Variants in CLEC5A observed in about 807,000 individuals in gnomAD.
CLEC5A encodes the protein C-type lectin domain family 5 member A.
Under a neutral mutation model 24.4 loss-of-function variants are expected in CLEC5A, and 15 were observed. That is an observed-to-expected ratio of 0.62 (90% CI 0.41 to 0.95). The LOEUF (loss-of-function observed/expected upper bound fraction) is 0.95. Among genes scored for constraint, CLEC5A ranks in the 40% least tolerant of loss-of-function variants. The probability of loss-of-function intolerance (pLI) is 0.00; values close to 1 mark genes in which losing one functional copy is unlikely to be tolerated. For synonymous variants in CLEC5A, 71 were observed against 72.6 expected (o/e 0.98, Z 0.11); for missense variants, 211 against 224.0 (o/e 0.94, Z 0.37).
At chr7:141,938,955 C>T (rs1407814652) in intron 4 of CLEC5A, among the ~76,000 whole-genome samples, 2 of 152,100 alleles carry the variant, frequency 1.3e-5, no homozygotes, top group Non-Finnish European at 2.9e-5. Flanking sequence ...TAAAGACTTT[C>T]CCAGACAAAT....
chr7:141,944,855 A>G (rs1053760436), intron 3 of CLEC5A, among the ~76,000 whole-genome samples: 2 of 152,200 alleles, frequency 1.3e-5, no homozygotes, highest in African/African-American at 4.8e-5. Flanking sequence ...TAAGGACTCA[A>G]TACATATTTT....
At chr7:141,946,461 C>A (rs77457686) in intron 1 of CLEC5A, 149 bp from the exon 2 acceptor site, 10 of 655,250 alleles carry the variant, frequency 1.5e-5, no homozygotes, top group Non-Finnish European at 2.3e-5. Flanking sequence ...GGTGACCCAG[C>A]GTGGGCCGCG....
chr7:141,942,842 C>G (rs1429277607), intron 4 of CLEC5A, among the ~76,000 whole-genome samples: 1 of 152,082 alleles, frequency 6.6e-6, no homozygotes, highest in Non-Finnish European at 1.5e-5. Context: ...AACACCATTC[C>G]TCATTATAGA....
At chr7:141,940,631 AAC>A (rs1351946200) in intron 4 of CLEC5A, among the ~76,000 whole-genome samples, 2 of 151,848 alleles carry the variant, frequency 1.3e-5, no homozygotes, top group Non-Finnish European at 2.9e-5. Context: ...ACATCAATGC[AAC>A]AAAAGTCGGC....
intron 4 of CLEC5A, among the ~76,000 whole-genome samples, chr7:141,940,652 A>G (rs1367296572): frequency 6.7e-6 from 1 of 149,878 alleles, no homozygotes; most frequent in Non-Finnish European, 1.5e-5. Flanking sequence ...GCTTTTTGAA[A>G]AGATAAACAA....
At chr7:141,942,851 G>T (rs1192762767) in intron 4 of CLEC5A, among the ~76,000 whole-genome samples, 1 of 152,136 alleles carries the variant, frequency 6.6e-6, no homozygotes, top group Non-Finnish European at 1.5e-5. Flanking sequence ...CCTCATTATA[G>T]AATTTCAAAT....
chr7:141,944,061 A>T (rs1563077757), intron 3 of CLEC5A, 97 bp from the exon 4 acceptor site: 7 of 780,934 alleles, frequency 9.0e-6, no homozygotes, highest in Non-Finnish European at 9.3e-6. Flanking sequence ...AATCATGGAG[A>T]TGACAAGAAG....
At chr7:141,942,095 A>T (rs1802812156) in intron 4 of CLEC5A, among the ~76,000 whole-genome samples, 1 of 152,136 alleles carries the variant, frequency 6.6e-6, no homozygotes, top group South Asian at 2.1e-4. Context: ...ATGTACATGG[A>T]ACCACAGAAG....
Position 141,928,617 on chromosome 7 carries a change from G to A in CLEC5A, c.*1487C>T, listed in dbSNP as rs976203459. ...TCAAGCAAGTTCTGACACCTGATGT[G>A]TTATCTCATGTTAAAAAATTGTAAG... On this transcript the variant is annotated 3_prime_UTR_variant, in exon 7 of 7. Transcript: ENST00000546910. 4 of 152,104 alleles carry A rather than the reference G, an allele frequency of 2.6e-5. No homozygotes were observed. The highest frequency in any genetic ancestry group is 5.9e-5 in the Non-Finnish European group (4 of 68,006). The allele number at this position is 152,104 out of a possible 1,614,324, so 9.4% of individuals were successfully genotyped here.
intron 5 of CLEC5A, among the ~76,000 whole-genome samples, chr7:141,933,358 G>A (rs1464898010): frequency 2.0e-5 from 3 of 151,920 alleles, no homozygotes; most frequent in Admixed American, 6.6e-5. Context: ...ATAGGCAGGT[G>A]GGGAAGCAGC....
Position 141,927,941 on chromosome 7 carries a change from C to T in CLEC5A, c.*2163G>A, listed in dbSNP as rs1266925440. On this transcript the variant is annotated 3_prime_UTR_variant, in exon 7 of 7. Transcript: ENST00000546910. Reference sequence around the variant, plus strand: ...TAATTTTTTGAGATAGGTATTACTACCCCATTTTATCAGTAAGGAAATTAA... The same window carrying T: ...TAATTTTTTGAGATAGGTATTACTATCCCATTTTATCAGTAAGGAAATTAA... 3 of 152,098 alleles carry T rather than the reference C, an allele frequency of 2.0e-5. No individual in the cohort carries two copies. Among genetic ancestry groups the T allele is most frequent in the Non-Finnish European group, 4.4e-5 (3 of 68,016 alleles). 9.4% of individuals were successfully genotyped at this position (152,098 alleles called of 1,614,324 possible).
intron 2 of CLEC5A, 149 bp downstream of exon 2, chr7:141,946,065 G>T (rs183512182): frequency 2.7e-6 from 2 of 739,126 alleles, no homozygotes; most frequent in Non-Finnish European, 4.5e-6. Flanking sequence ...AGTGAGAAAG[G>T]CATTGCCAAT....
At chr7:141,930,407 C>G (rs571387466) in intron 6 of CLEC5A, among the ~76,000 whole-genome samples, 189 bp from the exon 7 acceptor site, 2 of 151,866 alleles carry the variant, frequency 1.3e-5, no homozygotes, top group East Asian at 3.9e-4. Context: ...AGCTCAGATC[C>G]TTTTCCTAAT....
At chr7:141,941,150 C>T (rs571879143) in intron 4 of CLEC5A, among the ~76,000 whole-genome samples, 3 of 152,084 alleles carry the variant, frequency 2.0e-5, no homozygotes, top group African/African-American at 4.8e-5. Context: ...CGCAAATATA[C>T]CAATCAATAT....
chr7:141,946,623 C>A (rs1251642938), intron 1 of CLEC5A, among the ~76,000 whole-genome samples, 184 bp downstream of exon 1: 10 of 152,146 alleles, frequency 6.6e-5, no homozygotes, highest in Non-Finnish European at 1.5e-4. Flanking sequence ...TTTTGAGAAC[C>A]CTTATCCTTG....
chr7:141,930,284 A>G, intron 6 of CLEC5A, 66 bp from the exon 7 acceptor site: 1 of 1,222,466 alleles, frequency 8.2e-7, no homozygotes, highest in Non-Finnish European at 1.2e-6. Context: ...ATGGCCCATC[A>G]TTTTAGCCCA....
intron 4 of CLEC5A, among the ~76,000 whole-genome samples, chr7:141,943,689 A>G (rs1323550819): frequency 6.6e-6 from 1 of 152,116 alleles, no homozygotes; most frequent in Non-Finnish European, 1.5e-5. Flanking sequence ...ATATCATGTA[A>G]CTCATGAATA....
At chr7:141,934,576 A>C (rs932020549) in intron 5 of CLEC5A, among the ~76,000 whole-genome samples, 7 of 150,456 alleles carry the variant, frequency 4.7e-5, no homozygotes, top group African/African-American at 1.7e-4. Flanking sequence ...GTCAGCAGCA[A>C]ACCATTGCCA....
chr7:141,945,996 T>G (rs1296009198), intron 2 of CLEC5A: 1 of 521,444 alleles, frequency 1.9e-6, no homozygotes, highest in African/African-American at 1.9e-5. Context: ...CATCAGAAAC[T>G]GGTAAGTTCT....
Sources: gnomAD v4.1 joint callset for allele counts (sites outside exome capture counted in the v4.1 genomes callset) on GRCh38, gnomAD v4.1.1 for gene constraint, MANE v1.5 for transcripts, NCBI Gene and HGNC (gene_info 2026-07-23, HGNC 2026-07-21) for gene names.